The following KLHL13 variants were observed in gnomAD, a reference collection of about 807,000 sequenced individuals.
KLHL13 encodes kelch-like protein 13.
A neutral mutation model predicts 37.1 loss-of-function variants in KLHL13; 10 were observed. That is an observed-to-expected ratio of 0.27 (90% confidence interval 0.17 to 0.46). KLHL13 has a LOEUF of 0.46. Among genes scored for constraint, KLHL13 ranks in the 20% least tolerant of loss-of-function variants. The pLI is 1.00. For missense variants in KLHL13, 360 were observed against 509.3 expected, an observed-to-expected ratio of 0.71 and a Z score of 2.82; for synonymous variants, 163 against 181.2, an observed-to-expected ratio of 0.90 and a Z score of 0.81.
chrX:117,936,622 C>T (rs1932768990), intron 2 of KLHL13, among the ~76,000 whole-genome samples: 1 of 111,009 alleles, frequency 9.0e-6, no homozygotes, highest in Non-Finnish European at 1.9e-5. Context: ...TGACTCCTAC[C>T]CTCACTGTTC....
intron 1 of KLHL13, among the ~76,000 whole-genome samples, chrX:118,053,765 T>TTGTGTGTGTGTGTGTGTG (rs774059071): frequency 1.5e-5 from 1 of 67,941 alleles, no homozygotes; most frequent in African/African-American, 7.1e-5. Flanking sequence ...CAATCTCAAT[T>TTGTGTGTGTGTGTGTGTG]TGTGTGTGTG....
chrX:117,965,949 T>C lies in KLHL13; in HGVS notation c.98+6782A>G, dbSNP rs1396715061. Among the ~76,000 whole-genome samples the C allele has an allele frequency of 4.5e-5, 5 of 111,757 alleles. No individual in the cohort carries two copies. In the East Asian group the frequency reaches 1.1e-3, roughly 25 times the overall value. On this transcript the variant is annotated intron_variant, in intron 1 of 6. Transcript: ENST00000262820. ...TATGACAAACCCACAGCCAATATCA[T>C]ACTGAATGAACAAAAACTGGAAGCA...
At chrX:118,017,662 T>A (rs149678201) in intron 1 of KLHL13, among the ~76,000 whole-genome samples, 87 of 111,501 alleles carry the variant, frequency 7.8e-4, no homozygotes, top group African/African-American at 2.7e-3. Context: ...CATATGTCCT[T>A]TCAACAGCAC....
At chrX:117,930,147 A>C (rs974901752) in intron 2 of KLHL13, among the ~76,000 whole-genome samples, 2 of 107,594 alleles carry the variant, frequency 1.9e-5, no homozygotes, top group Non-Finnish European at 3.8e-5. Flanking sequence ...GAAAAAAGAA[A>C]AGAGGAAAGA....
At chrX:117,966,497 T>C (rs1037326463) in intron 1 of KLHL13, among the ~76,000 whole-genome samples, 14 of 111,234 alleles carry the variant, frequency 1.3e-4, no homozygotes, top group African/African-American at 4.6e-4. Context: ...ACATAATTTA[T>C]AGATTCAATG....
chrX:118,052,762 G>C (rs1184480302), intron 1 of KLHL13, among the ~76,000 whole-genome samples: 1 of 109,670 alleles, frequency 9.1e-6, no homozygotes, highest in Non-Finnish European at 1.9e-5. Flanking sequence ...AAGAGGTGGA[G>C]GTTGCAGTGA....
intron 1 of KLHL13, among the ~76,000 whole-genome samples, chrX:118,009,185 T>TC (rs2054026212): frequency 1.0e-5 from 1 of 99,674 alleles, no homozygotes; most frequent in South Asian, 5.3e-4. Context: ...GAAAATTTTC[T>TC]CCCATTTTGT....
At chrX:117,898,695 T>C (rs759888170) in exon 7 of KLHL13, 4 of 384,844 alleles carry the variant, frequency 1.0e-5, no homozygotes, top group Non-Finnish European at 1.8e-5. Flanking sequence ...TCAGCTTCTA[T>C]GGGATACATT....
chrX:117,927,555 T>C (rs1051998555), intron 2 of KLHL13, among the ~76,000 whole-genome samples: 2 of 112,208 alleles, frequency 1.8e-5, no homozygotes, highest in African/African-American at 6.5e-5. Flanking sequence ...AATAGAGCCC[T>C]AGCAACTGGA....
chrX:118,052,500 C>T (rs764629854), intron 1 of KLHL13, among the ~76,000 whole-genome samples: 4 of 94,761 alleles, frequency 4.2e-5, no homozygotes, highest in East Asian at 3.3e-4. Flanking sequence ...CCAGCCTGGG[C>T]GACAGAGCAA....
intron 1 of KLHL13, among the ~76,000 whole-genome samples, chrX:118,019,632 C>T (rs1324978020): frequency 9.0e-6 from 1 of 111,156 alleles, no homozygotes; most frequent in African/African-American, 3.3e-5. Flanking sequence ...TTAGGTCTAA[C>T]GTTTAAGTCT....
In KLHL13 at chrX:117,901,783, T is replaced by C. The variant is rs374434362; in HGVS notation, c.1480+50A>G. ...CTACCACTATATGGAAAGATAACCA[T>C]ATAGTTAAAAGCTTATATATTATAT... is the stretch of plus-strand genomic sequence containing the variant. On this transcript the variant is annotated intron_variant, in intron 6 of 6. Transcript: ENST00000262820. The C allele has an allele frequency of 2.8e-5, 17 of 604,547 alleles. No homozygotes were observed. In the African/African-American group the frequency reaches 3.2e-4, roughly 11 times the overall value. The allele number at this position is 604,547 out of a possible 1,213,427, so 49.8% of individuals were successfully genotyped here. A position where few individuals can be genotyped will look rare whatever the true frequency, so the allele number is the denominator to read the frequency against.
chrX:117,950,324 G>A (rs1018712015), intron 1 of KLHL13, among the ~76,000 whole-genome samples: 8 of 110,904 alleles, frequency 7.2e-5, no homozygotes, highest in Admixed American at 1.9e-4. Flanking sequence ...AAAATCAGCC[G>A]CGCGCAGTGG....
rs367552625 is a variant in KLHL13, at chrX:117,915,643, C to T, written c.570+3878G>A. The stretch of plus-strand genomic sequence containing the variant: ...CAAACATAAAGTGATTTCTTTCTCA[C>T]CTTTATTCTGTTTTGTTCATTCTAT... On this transcript the variant is annotated intron_variant, in intron 4 of 6. Transcript: ENST00000262820. 1.3e-4 allele frequency among the ~76,000 whole-genome samples: 15 copies of T among 112,161 alleles called. No individual in the cohort carries two copies. In the East Asian group the frequency reaches 3.4e-3, roughly 25 times the overall value.
chrX:118,116,019 G>C (rs1277496367), intron 1 of KLHL13, among the ~76,000 whole-genome samples: 1 of 112,168 alleles, frequency 8.9e-6, no homozygotes, highest in Non-Finnish European at 1.9e-5. Flanking sequence ...TAAAAGCTTC[G>C]AGGAAGAAGA....
intron 1 of KLHL13, among the ~76,000 whole-genome samples, chrX:118,031,894 C>G (rs968843044): frequency 1.1e-4 from 12 of 108,851 alleles, no homozygotes; most frequent in African/African-American, 4.0e-4. Context: ...GCACCGTGCG[C>G]GAGCCGAAGC....
rs6645430 is a variant in KLHL13 at position 117,987,464 on chromosome X, A to G, written c.-55-41889T>C. ...GATTAGGATAAGAAGCTATCAGAGAAACATGTCCTTGGGTCTAAATATTTA... is the reference window on the plus strand; with the variant it reads ...GATTAGGATAAGAAGCTATCAGAGAGACATGTCCTTGGGTCTAAATATTTA... On this transcript the variant is annotated intron_variant, in intron 1 of 6. Transcript: ENST00000371882. 5.8e-3 allele frequency among the ~76,000 whole-genome samples: 649 copies of G among 111,404 alleles called. 5 individuals are homozygous for G. Among genetic ancestry groups the G allele is most frequent in the African/African-American group, 0.018 (559 of 30,736 alleles).
intron 1 of KLHL13, among the ~76,000 whole-genome samples, chrX:118,042,820 A>G (rs2054518726): frequency 9.0e-6 from 1 of 110,929 alleles, no homozygotes; most frequent in East Asian, 2.8e-4. Context: ...ACAACCTAAC[A>G]GTGCATCTTA....
chrX:117,898,921 A>C, exon 7 of KLHL13: 1 of 1,204,667 alleles, frequency 8.3e-7, no homozygotes, highest in Non-Finnish European at 1.1e-6. Context: ...AGGTGCAGAA[A>C]GAGGGGACTC....
Sources: gnomAD v4.1 joint callset for allele counts (sites outside exome capture counted in the v4.1 genomes callset) on GRCh38, gnomAD v4.1.1 for gene constraint, MANE v1.5 for transcripts, NCBI Gene and HGNC (gene_info 2026-07-23, HGNC 2026-07-21) for gene names.